The following DRC4 variants were observed in gnomAD, a reference collection of about 807,000 sequenced individuals.
DRC4 encodes dynein regulatory complex subunit 4, also known as GAS-11.
the DRC4 span, chr16:90,029,004 G>A: frequency 7.7e-7 from 1 of 1,305,392 alleles, no homozygotes; most frequent in South Asian, 1.2e-5. Flanking sequence ...TTTGTGTTCT[G>A]GAAAGATGTC....
At chr16:90,037,669 T>G in the DRC4 span, 1 of 1,261,788 alleles carries the variant, frequency 7.9e-7, no homozygotes, top group Non-Finnish European at 1.2e-6. Flanking sequence ...CTGGCGATTA[T>G]TTTTGGCCTT....
At chr16:90,035,733 GC>G in the DRC4 span, 10 of 1,614,090 alleles carry the variant, frequency 6.2e-6, no homozygotes, top group Non-Finnish European at 8.5e-6. Context: ...AGACACCCCC[GC>G]CCCATCAGAG....
the DRC4 span, among the ~76,000 whole-genome samples, chr16:90,021,277 C>G: frequency 6.6e-6 from 1 of 152,240 alleles, no homozygotes; most frequent in African/African-American, 2.4e-5. Flanking sequence ...CTTCCTCCCC[C>G]AGCTGGACAG....
the DRC4 span, chr16:90,043,329 T>A: frequency 1.9e-6 from 3 of 1,603,584 alleles, no homozygotes; most frequent in Non-Finnish European, 2.5e-6. Flanking sequence ...GCGGGACTGG[T>A]GGGCACCCCG....
the DRC4 span, chr16:90,044,140 G>A: frequency 8.8e-6 from 4 of 455,664 alleles, no homozygotes; most frequent in Non-Finnish European, 1.8e-5. Context: ...AGAAGCCACA[G>A]CCCAGTAAGT....
chr16:90,027,119 T>A, the DRC4 span, among the ~76,000 whole-genome samples: 1 of 149,112 alleles, frequency 6.7e-6, no homozygotes, highest in Non-Finnish European at 1.5e-5. Context: ...GGAGTCTCAC[T>A]CTGTCGTCCT....
At chr16:90,023,364 C>T in the DRC4 span, among the ~76,000 whole-genome samples, 3 of 152,288 alleles carry the variant, frequency 2.0e-5, no homozygotes, top group South Asian at 6.2e-4. Context: ...GCCTCATCAG[C>T]TCCATGTCTG....
At chr16:90,031,541 C>T in the DRC4 span, 3 of 1,515,496 alleles carry the variant, frequency 2.0e-6, no homozygotes, top group East Asian at 2.5e-5. Flanking sequence ...CACCACAGAG[C>T]CCCAGAGGAG....
At chr16:90,020,298 T>C in the DRC4 span, 1 of 394,460 alleles carries the variant, frequency 2.5e-6, no homozygotes, top group Non-Finnish European at 4.4e-6. Context: ...GCTATGATTG[T>C]ATGTCTCAAA....
At chr16:90,036,379 A>G in the DRC4 span, 3 of 1,596,786 alleles carry the variant, frequency 1.9e-6, no homozygotes, top group Non-Finnish European at 2.6e-6. Flanking sequence ...GCTGCCTTTC[A>G]GAAATTGAGG....
chr16:90,037,319 C>G, the DRC4 span: 1 of 1,613,848 alleles, frequency 6.2e-7, no homozygotes, highest in African/African-American at 1.3e-5. Context: ...CCTGGCAGAC[C>G]CTCTCCAGAA....
the DRC4 span, chr16:90,037,231 G>C: frequency 1.2e-6 from 2 of 1,607,432 alleles, no homozygotes; most frequent in East Asian, 4.5e-5. Context: ...TGTGCCTGCA[G>C]GAGCAGATGG....
At chr16:90,042,705 C>A in the DRC4 span, among the ~76,000 whole-genome samples, 1 of 152,198 alleles carries the variant, frequency 6.6e-6, no homozygotes, top group Non-Finnish European at 1.5e-5. Context: ...CATCTGGATT[C>A]TGTGTGGTCT....
At chr16:90,037,513 G>A in the DRC4 span, 1 of 1,237,480 alleles carries the variant, frequency 8.1e-7, no homozygotes, top group Non-Finnish European at 1.1e-6. Context: ...AGACGGGGAG[G>A]CCTGCATTTC....
At chr16:90,019,802 C>A in the DRC4 span, 7 of 687,890 alleles carry the variant, frequency 1.0e-5, no homozygotes, top group Non-Finnish European at 1.8e-5. The surrounding 1 kb of genome is among the most constrained non-coding windows in gnomAD (Gnocchi z 6.1). Flanking sequence ...TGTGTGCGGG[C>A]GCCCCTCGGG....
chr16:90,023,239 G>A, the DRC4 span, among the ~76,000 whole-genome samples: 1 of 152,206 alleles, frequency 6.6e-6, no homozygotes, highest in Non-Finnish European at 1.5e-5. Flanking sequence ...GGCCCGGACA[G>A]GTCCAGTGCC....
chr16:90,033,848 G>A, the DRC4 span, among the ~76,000 whole-genome samples: 14 of 151,536 alleles, frequency 9.2e-5, no homozygotes, highest in Non-Finnish European at 1.8e-4. Context: ...TAGAAGGATC[G>A]AAGTGGGGAG....
chr16:90,020,313 A>AAAAG, the DRC4 span, among the ~76,000 whole-genome samples: 248 of 151,946 alleles, frequency 1.6e-3, no homozygotes, highest in African/African-American at 5.9e-3. Flanking sequence ...CTCAAAAAAA[A>AAAAG]AAAAGAAAAG....
the DRC4 span, among the ~76,000 whole-genome samples, chr16:90,021,874 A>AAAAAT: frequency 7.9e-6 from 1 of 127,258 alleles, no homozygotes; most frequent in Non-Finnish European, 1.6e-5. Context: ...AAAAAAAAAA[A>AAAAAT]AAGCACCTGT....
Sources: gnomAD v4.1 joint callset for allele counts (sites outside exome capture counted in the v4.1 genomes callset) on GRCh38, gnomAD v4.1.1 for gene constraint, Gnocchi (gnomAD v3.1) non-coding constraint, MANE v1.5 for transcripts, NCBI Gene and HGNC (gene_info 2026-07-23, HGNC 2026-07-21) for gene names.